Variants in SH3RF3 observed in about 807,000 individuals in gnomAD.
SH3RF3 encodes E3 ubiquitin-protein ligase SH3RF3.
In SH3RF3, 29 loss-of-function variants were observed where a neutral mutation model predicts 66.3. The ratio of observed to expected loss-of-function variants is 0.44; its 90% confidence interval spans 0.33 to 0.60. The LOEUF (loss-of-function observed/expected upper bound fraction) is 0.60, where lower values mean the gene tolerates loss of function less well. Among genes scored for constraint, SH3RF3 ranks in the 20% least tolerant of loss-of-function variants. The pLI, the probability that SH3RF3 is intolerant of heterozygous loss-of-function variation, is 0.04. For synonymous variants in SH3RF3, 583 were observed against 532.0 expected, an observed-to-expected ratio of 1.10 and a Z score of -1.32; for missense variants, 1,194 against 1,190.9, an observed-to-expected ratio of 1.00 and a Z score of -0.04.
chr2:109,143,166 C>A (rs1437409725), intron 1 of SH3RF3, among the ~76,000 whole-genome samples: 1 of 152,090 alleles, frequency 6.6e-6, no homozygotes, highest in Non-Finnish European at 1.5e-5. Flanking sequence ...ATTTAATGGT[C>A]CATTCTGTTT....
At chr2:109,264,478 C>T (rs1434666486) in intron 1 of SH3RF3, among the ~76,000 whole-genome samples, 1 of 152,266 alleles carries the variant, frequency 6.6e-6, no homozygotes, top group Non-Finnish European at 1.5e-5. Context: ...ATATGTCCTG[C>T]TGGGCTTCTT....
chr2:109,216,295 TA>T (rs1679100011), intron 1 of SH3RF3, among the ~76,000 whole-genome samples: 1 of 152,178 alleles, frequency 6.6e-6, no homozygotes, highest in Non-Finnish European at 1.5e-5. Flanking sequence ...GGAAGGGGAT[TA>T]AAGGAAATAG....
intron 4 of SH3RF3, among the ~76,000 whole-genome samples, chr2:109,412,982 GC>G (rs1573231564): frequency 6.6e-6 from 1 of 152,126 alleles, no homozygotes; most frequent in East Asian, 1.9e-4. Context: ...CGGCAGTGGG[GC>G]ATTCTGTGTC....
chr2:109,253,911 C>T (rs1680155382), intron 1 of SH3RF3, among the ~76,000 whole-genome samples: 1 of 152,050 alleles, frequency 6.6e-6, no homozygotes, highest in Non-Finnish European at 1.5e-5. Flanking sequence ...TTTCTAAAAG[C>T]ATGGAAGTCT....
chr2:109,372,123 C>T (rs1683285856), intron 3 of SH3RF3, among the ~76,000 whole-genome samples: 1 of 152,226 alleles, frequency 6.6e-6, no homozygotes, highest in Non-Finnish European at 1.5e-5. Context: ...TGGCCATCTG[C>T]AAAGTCCTCC....
chr2:109,420,026 C>T (rs1218671947), intron 5 of SH3RF3, among the ~76,000 whole-genome samples: 1 of 152,196 alleles, frequency 6.6e-6, no homozygotes, highest in Non-Finnish European at 1.5e-5. Context: ...GCTTGGGTAG[C>T]CACTAGTCAC....
chr2:109,340,156 T>C (rs1398076481), intron 1 of SH3RF3, among the ~76,000 whole-genome samples: 1 of 152,168 alleles, frequency 6.6e-6, no homozygotes, highest in Non-Finnish European at 1.5e-5. Flanking sequence ...TAGCTGGCAG[T>C]GCACAGGTTG....
chr2:109,246,322 C>T (rs945336039), intron 1 of SH3RF3, among the ~76,000 whole-genome samples: 3 of 152,214 alleles, frequency 2.0e-5, no homozygotes, highest in Non-Finnish European at 4.4e-5. Flanking sequence ...TCCAGGTTCA[C>T]AGACGGTGCC....
chr2:109,350,142 T>C (rs1351563467), intron 2 of SH3RF3, among the ~76,000 whole-genome samples: 1 of 152,218 alleles, frequency 6.6e-6, no homozygotes, highest in Admixed American at 6.5e-5. Context: ...ACAGTGAAAT[T>C]AGAGCCATCA....
At chr2:109,463,996 G>A (rs181475505) in intron 8 of SH3RF3, among the ~76,000 whole-genome samples, 4 of 152,112 alleles carry the variant, frequency 2.6e-5, no homozygotes, top group African/African-American at 9.7e-5. Flanking sequence ...ATAGACCCTC[G>A]CTCGGGAGGG....
rs1682875417 is a variant in SH3RF3, at chr2:109,353,110, T to C, written c.849+5161T>C. The stretch of plus-strand genomic sequence containing the variant: ...CTCTGCTCAGAGTCCTCAGTGGCTC[T>C]CCACCTGTCCCGGAGTCATGGCAAA... On this transcript the variant is annotated intron_variant, in intron 2 of 9. Transcript: ENST00000309415. Among the ~76,000 whole-genome samples, 3 of 152,344 alleles carry C rather than the reference T, an allele frequency of 2.0e-5. No individual in the cohort carries two copies. In the South Asian group the frequency reaches 6.2e-4, roughly 32 times the overall value.
At chr2:109,451,812 C>A (rs907006469) in intron 8 of SH3RF3, among the ~76,000 whole-genome samples, 4 of 152,272 alleles carry the variant, frequency 2.6e-5, no homozygotes, top group African/African-American at 9.6e-5. Context: ...GCCTCCTCCT[C>A]CCCTGATAGC....
chr2:109,234,996 A>G (rs1371205960), intron 1 of SH3RF3, among the ~76,000 whole-genome samples: 1 of 152,168 alleles, frequency 6.6e-6, no homozygotes, highest in Non-Finnish European at 1.5e-5. Flanking sequence ...ACTATGGCAT[A>G]TCTTTATCTG....
chr2:109,139,259 G>A (rs1027789543), intron 1 of SH3RF3, among the ~76,000 whole-genome samples: 1 of 152,138 alleles, frequency 6.6e-6, no homozygotes, highest in African/African-American at 2.4e-5. Context: ...CATCAAGAAT[G>A]TAGATTGTGC....
chr2:109,131,815 G>A (rs1329493179), intron 1 of SH3RF3, among the ~76,000 whole-genome samples: 1 of 152,200 alleles, frequency 6.6e-6, no homozygotes, highest in South Asian at 2.1e-4. Flanking sequence ...GCATAGTCAT[G>A]TTCATGACTT....
In SH3RF3 at chr2:109,246,642, C is replaced by T. The variant is rs990031592; in HGVS notation, c.574-101032C>T. ...CACACAGCCAGTGTATCTCCCTGCACGTGTCTTATTTGACCTGTGGACTTA... is the reference window on the plus strand; with the variant it reads ...CACACAGCCAGTGTATCTCCCTGCATGTGTCTTATTTGACCTGTGGACTTA... On this transcript the variant is annotated intron_variant, in intron 1 of 9. Coordinates refer to ENST00000309415, the MANE Select transcript of SH3RF3 (RefSeq NM_001099289.3). Among the ~76,000 whole-genome samples the T allele has an allele frequency of 5.3e-5, 8 of 152,204 alleles. No homozygotes were observed. In the South Asian group the frequency reaches 6.2e-4, roughly 12 times the overall value.
At chr2:109,247,326 T>C (rs1460040850) in intron 1 of SH3RF3, among the ~76,000 whole-genome samples, 5 of 152,176 alleles carry the variant, frequency 3.3e-5, no homozygotes, top group Non-Finnish European at 5.9e-5. Flanking sequence ...TATCCAAATC[T>C]CTGCAGCCCC....
intron 1 of SH3RF3, among the ~76,000 whole-genome samples, chr2:109,188,762 G>C (rs536748608): frequency 6.6e-6 from 1 of 152,176 alleles, no homozygotes. Flanking sequence ...CACCATCGCA[G>C]AAGCCAAGCG....
intron 1 of SH3RF3, among the ~76,000 whole-genome samples, chr2:109,233,009 C>A (rs1679550969): frequency 6.6e-6 from 1 of 152,186 alleles, no homozygotes; most frequent in Non-Finnish European, 1.5e-5. Context: ...ACCATGTGCT[C>A]AAACCCCTTG....
Sources: gnomAD v4.1 joint callset for allele counts (sites outside exome capture counted in the v4.1 genomes callset) on GRCh38, gnomAD v4.1.1 for gene constraint, MANE v1.5 for transcripts, NCBI Gene and HGNC (gene_info 2026-07-23, HGNC 2026-07-21) for gene names.